PPFIA2: variants seen among roughly 807,000 people sequenced by gnomAD.
PPFIA2 encodes PPFI scaffold protein A2.
PPFIA2 carries 46 observed loss-of-function variants against 175.5 expected under a neutral mutation model. The observed-to-expected ratio is 0.26, with a 90% CI of 0.21 to 0.34. PPFIA2 has a LOEUF of 0.34. Among genes scored for constraint, PPFIA2 ranks in the 10% least tolerant of loss-of-function variants. The probability of loss-of-function intolerance (pLI) is 1.00; values close to 1 mark genes in which losing one functional copy is unlikely to be tolerated. For synonymous variants in PPFIA2, 568 were observed against 511.4 expected, an observed-to-expected ratio of 1.11 and a Z score of -1.49; for missense variants, 1,179 against 1,506.1, an observed-to-expected ratio of 0.78 and a Z score of 3.60.
intron 3 of PPFIA2, among the ~76,000 whole-genome samples, chr12:81,706,299 G>T (rs976866358): frequency 6.6e-6 from 1 of 152,116 alleles, no homozygotes. Flanking sequence ...AAAGCACTGA[G>T]CACTTTTAAA....
intron 4 of PPFIA2, among the ~76,000 whole-genome samples, chr12:81,606,669 T>A (rs1049410022): frequency 1.2e-4 from 18 of 152,066 alleles, no homozygotes; most frequent in African/African-American, 4.3e-4. Context: ...GGTTATTTGT[T>A]TTTTGCTTGT....
At chr12:81,677,680 T>C (rs2072811226) in intron 3 of PPFIA2, among the ~76,000 whole-genome samples, 1 of 151,916 alleles carries the variant, frequency 6.6e-6, no homozygotes, top group Non-Finnish European at 1.5e-5. Context: ...AAATTATAAC[T>C]ATGGTCTACT....
intron 4 of PPFIA2, among the ~76,000 whole-genome samples, chr12:81,466,217 C>A (rs1374331686): frequency 6.6e-6 from 1 of 152,016 alleles, no homozygotes; most frequent in Non-Finnish European, 1.5e-5. Context: ...ATATTTTGTG[C>A]CCCCTTGAAT....
chr12:81,668,809 G>A (rs1481946679), intron 4 of PPFIA2, among the ~76,000 whole-genome samples: 1 of 151,980 alleles, frequency 6.6e-6, no homozygotes, highest in Non-Finnish European at 1.5e-5. Flanking sequence ...ATGGCACTAT[G>A]TTTTGGGGTT....
intron 4 of PPFIA2, among the ~76,000 whole-genome samples, chr12:81,516,454 G>C (rs1298733396): frequency 2.6e-5 from 4 of 152,116 alleles, no homozygotes; most frequent in Non-Finnish European, 5.9e-5. Context: ...CCTAACCCTA[G>C]TACTTTAAAG....
At chr12:81,331,486 T>C (rs969980608) in intron 21 of PPFIA2, among the ~76,000 whole-genome samples, 2 of 152,226 alleles carry the variant, frequency 1.3e-5, no homozygotes, top group African/African-American at 4.8e-5. Context: ...TGTGTTTTTG[T>C]CACTGTGAAA....
At chr12:81,713,092 C>A (rs1199220778) in intron 3 of PPFIA2, among the ~76,000 whole-genome samples, 1 of 150,988 alleles carries the variant, frequency 6.6e-6, no homozygotes, top group Non-Finnish European at 1.5e-5. Flanking sequence ...GATACATAGC[C>A]ATGATTAATA....
At chr12:81,731,720 A>G (rs955548114) in intron 3 of PPFIA2, among the ~76,000 whole-genome samples, 1 of 151,680 alleles carries the variant, frequency 6.6e-6, no homozygotes, top group Admixed American at 6.6e-5. Context: ...GCCATATACT[A>G]TCTTTGCAAA....
chr12:81,743,146 TGGTG>T (rs1176543144), intron 3 of PPFIA2, among the ~76,000 whole-genome samples: 1 of 151,740 alleles, frequency 6.6e-6, no homozygotes, highest in Non-Finnish European at 1.5e-5. Context: ...AGGCTGGGCA[TGGTG>T]GCTCACGCCT....
intron 21 of PPFIA2, among the ~76,000 whole-genome samples, chr12:81,328,228 A>C (rs2055253594): frequency 6.6e-6 from 1 of 152,176 alleles, no homozygotes; most frequent in Non-Finnish European, 1.5e-5. Context: ...GATTATCTAA[A>C]TCCAGTGAGA....
At chr12:81,584,986 ATTT>A (rs1389592528) in intron 4 of PPFIA2, among the ~76,000 whole-genome samples, 2 of 23,386 alleles carry the variant, frequency 8.6e-5, no homozygotes, top group African/African-American at 2.6e-4. Context: ...TATTAATTAT[ATTT>A]ATATATAATA....
intron 24 of PPFIA2, 80 bp downstream of exon 24, chr12:81,294,755 G>T: frequency 7.6e-7 from 1 of 1,316,098 alleles, no homozygotes; most frequent in Non-Finnish European, 1.1e-6. Flanking sequence ...AATGTGTGCT[G>T]TCACAATTTT....
intron 7 of PPFIA2, among the ~76,000 whole-genome samples, chr12:81,415,042 A>T (rs2044686557): frequency 6.7e-6 from 1 of 149,642 alleles, no homozygotes; most frequent in South Asian, 2.1e-4. Context: ...TACATGTAAC[A>T]TTCAATTTAA....
chr12:81,658,241 C>G (rs188930113), intron 4 of PPFIA2, among the ~76,000 whole-genome samples: 1 of 142,496 alleles, frequency 7.0e-6, no homozygotes, highest in East Asian at 2.0e-4. Flanking sequence ...GCACTCCAGC[C>G]TGGGCAACAA....
chr12:81,527,933 C>T (rs912581371), intron 4 of PPFIA2, among the ~76,000 whole-genome samples: 1 of 152,032 alleles, frequency 6.6e-6, no homozygotes, highest in Non-Finnish European at 1.5e-5. Context: ...TTCCTAGCTT[C>T]CAGAATTGTG....
intron 4 of PPFIA2, among the ~76,000 whole-genome samples, chr12:81,624,339 C>G (rs2062421631): frequency 6.7e-6 from 1 of 150,312 alleles, no homozygotes; most frequent in Non-Finnish European, 1.5e-5. Flanking sequence ...ATCCTATAAT[C>G]TGTATGTTAC....
intron 2 of PPFIA2, 117 bp downstream of exon 2, chr12:81,758,283 C>A (rs533844064): frequency 2.4e-6 from 1 of 425,174 alleles, no homozygotes; most frequent in Non-Finnish European, 4.8e-6. Context: ...AGGCACCTAA[C>A]GGTAATCAAC....
At chr12:81,267,198 C>CT (rs71309549) in intron 29 of PPFIA2, 178 bp from the exon 30 acceptor site, 50,302 of 475,306 alleles carry the variant, frequency 0.11, 166 homozygotes, top group South Asian at 0.15. Flanking sequence ...AAAAACAGGG[C>CT]TTTTTTTTTT....
intron 4 of PPFIA2, among the ~76,000 whole-genome samples, chr12:81,501,954 C>T (rs943716970): frequency 6.6e-6 from 1 of 152,008 alleles, no homozygotes; most frequent in Non-Finnish European, 1.5e-5. Flanking sequence ...CGAGCCCTGG[C>T]GGTGGGAGAG....
Sources: allele counts gnomAD v4.1 joint callset (sites outside exome capture counted in the v4.1 genomes callset), GRCh38; gene constraint gnomAD v4.1.1; transcripts MANE v1.5; gene names NCBI Gene and HGNC (gene_info 2026-07-23, HGNC 2026-07-21).